EYS: variants seen among roughly 807,000 people sequenced by gnomAD.
EYS encodes the protein protein eyes shut homolog.
In EYS, 250 loss-of-function variants were observed where a neutral mutation model predicts 282.1. That is an observed-to-expected ratio of 0.89 (90% CI 0.80 to 0.98). The LOEUF is 0.98. Ranked by LOEUF, EYS falls within the 50% of genes least tolerant of loss-of-function variation. The pLI is 0.00. For missense variants in EYS, 4,016 were observed against 3,709.0 expected (o/e 1.08, Z -2.15); for synonymous variants, 1,355 against 1,282.9 (o/e 1.06, Z -1.20).
At position 64,357,578 on chromosome 6, in the gene EYS, G is replaced by A. The variant is rs1408073334; in HGVS notation, c.6078+31112C>T. Among the ~76,000 whole-genome samples the A allele has an allele frequency of 2.6e-5, 4 of 151,582 alleles. No homozygotes were observed. The East Asian group carries it at 5.9e-4, about 22-fold the overall frequency. On this transcript the variant is annotated intron_variant, in intron 29 of 42. Transcript: ENST00000503581. ...ATTACATAAAGGGATGTGTGTGAAC[G>A]AAATTTTGAAAGCCTGTTGGGAAAG...
At chr6:65,253,797 G>T (rs1767389038) in intron 12 of EYS, among the ~76,000 whole-genome samples, 2 of 151,740 alleles carry the variant, frequency 1.3e-5, no homozygotes, top group Non-Finnish European at 2.9e-5. Flanking sequence ...GGATATAAGA[G>T]TACACATTGT....
intron 13 of EYS, among the ~76,000 whole-genome samples, chr6:65,040,639 C>T (rs1245064159): frequency 1.3e-5 from 2 of 151,610 alleles, no homozygotes; most frequent in Admixed American, 6.6e-5. Flanking sequence ...CTCTTTTATT[C>T]CTCCAGTCCT....
chr6:63,839,660 A>G (rs1009578706), intron 36 of EYS, among the ~76,000 whole-genome samples: 7 of 152,058 alleles, frequency 4.6e-5, no homozygotes, highest in Non-Finnish European at 1.0e-4. Context: ...TGGTTATTGT[A>G]AGTAGTGCTC....
intron 8 of EYS, among the ~76,000 whole-genome samples, chr6:65,380,069 T>C (rs899194810): frequency 6.6e-6 from 1 of 152,012 alleles, no homozygotes; most frequent in Non-Finnish European, 1.5e-5. Flanking sequence ...GATTCAATGC[T>C]ATTCCCATCA....
intron 2 of EYS, among the ~76,000 whole-genome samples, chr6:65,581,966 G>C (rs1054679697): frequency 6.6e-6 from 1 of 151,580 alleles, no homozygotes; most frequent in African/African-American, 2.4e-5. Flanking sequence ...GAGGCCAGCA[G>C]ATCATGAGGT....
intron 31 of EYS, among the ~76,000 whole-genome samples, chr6:64,145,350 T>A (rs1774476279): frequency 6.6e-6 from 1 of 152,172 alleles, no homozygotes; most frequent in Admixed American, 6.6e-5. Context: ...TTTTTTAAAA[T>A]GCAAGCAACA....
Position 64,590,272 on chromosome 6 carries a change from A to G in EYS, c.5595T>C (p.Thr1865=). The change falls in exon 26 of 43, where the codon ACT becomes ACC. Residue 1865 remains threonine (T), a synonymous_variant. Transcript: ENST00000503581. ...CCAGAATGGATTCCAGTGAAGACAA[A>G]GTAAGAGATCTAGTGAAGGGAAGAT... ...SRHLPFTRSL[T]LSSLESILAP... 6.4e-7 allele frequency: 1 copy of G among 1,550,946 alleles called. No homozygotes were observed. Among genetic ancestry groups the G allele is most frequent in the Non-Finnish European group, 8.7e-7 (1 of 1,146,502 alleles).
chr6:64,900,085 C>T (rs1055475413), intron 18 of EYS, among the ~76,000 whole-genome samples: 1 of 152,146 alleles, frequency 6.6e-6, no homozygotes, highest in Admixed American at 6.5e-5. Flanking sequence ...CACACATCTA[C>T]AACCATCTGA....
intron 29 of EYS, among the ~76,000 whole-genome samples, chr6:64,343,220 C>G (rs1449869590): frequency 2.6e-5 from 4 of 152,026 alleles, no homozygotes; most frequent in Admixed American, 2.6e-4. Context: ...TAGACATCTA[C>G]AGAACTCTCC....
At chr6:65,471,157 C>T (rs1031403822) in intron 5 of EYS, among the ~76,000 whole-genome samples, 6 of 144,250 alleles carry the variant, frequency 4.2e-5, no homozygotes, top group Non-Finnish European at 7.5e-5. Context: ...CAAACAAAAA[C>T]GAAAACAAAA....
intron 31 of EYS, among the ~76,000 whole-genome samples, chr6:64,217,771 C>T (rs1443018464): frequency 6.6e-6 from 1 of 152,028 alleles, no homozygotes; most frequent in Non-Finnish European, 1.5e-5. Context: ...GTTCATTGGC[C>T]TAGCTACCAT....
At chr6:65,543,091 T>A (rs977933279) in intron 2 of EYS, among the ~76,000 whole-genome samples, 1 of 152,124 alleles carries the variant, frequency 6.6e-6, no homozygotes, top group African/African-American at 2.4e-5. Context: ...TGATCTCGGC[T>A]CACTGCAACA....
intron 22 of EYS, among the ~76,000 whole-genome samples, chr6:64,791,918 T>C (rs919118384): frequency 1.3e-5 from 2 of 151,942 alleles, no homozygotes; most frequent in Admixed American, 1.3e-4. Context: ...ATACTTTTCA[T>C]AGAACTACAA....
chr6:65,048,646 A>G (rs1408878561), intron 13 of EYS, among the ~76,000 whole-genome samples: 1 of 151,902 alleles, frequency 6.6e-6, no homozygotes, highest in Non-Finnish European at 1.5e-5. Flanking sequence ...TATTTAAAGG[A>G]AACCTTGATT....
At chr6:64,181,245 T>A (rs1214471302) in intron 31 of EYS, among the ~76,000 whole-genome samples, 7 of 152,094 alleles carry the variant, frequency 4.6e-5, no homozygotes, top group Non-Finnish European at 2.9e-5. Context: ...CATTAAAGAT[T>A]TTAGATTAAA....
At chr6:65,092,723 G>C (rs900519939) in intron 12 of EYS, among the ~76,000 whole-genome samples, 2 of 152,080 alleles carry the variant, frequency 1.3e-5, no homozygotes, top group Non-Finnish European at 2.9e-5. Flanking sequence ...CTTTCTGACT[G>C]AATTGACTAC....
At chr6:64,716,885 T>C (rs888638643) in intron 22 of EYS, among the ~76,000 whole-genome samples, 7 of 152,174 alleles carry the variant, frequency 4.6e-5, no homozygotes, top group African/African-American at 1.7e-4. Context: ...TTGCCACATA[T>C]TATACAAAGT....
chr6:65,034,608 C>T (rs1397096431), intron 13 of EYS, among the ~76,000 whole-genome samples: 2 of 152,122 alleles, frequency 1.3e-5, no homozygotes, highest in Admixed American at 1.3e-4. Flanking sequence ...TGTGATATCC[C>T]TGCTCCACCT....
intron 13 of EYS, among the ~76,000 whole-genome samples, chr6:65,026,848 C>T (rs528097398): frequency 4.0e-5 from 6 of 151,066 alleles, no homozygotes; most frequent in African/African-American, 1.2e-4. Flanking sequence ...ATCCGGGAGG[C>T]AGAGGTTGCA....
Sources: gnomAD v4.1 joint callset for allele counts (sites outside exome capture counted in the v4.1 genomes callset) on GRCh38, gnomAD v4.1.1 for gene constraint, MANE v1.5 for transcripts, NCBI Gene and HGNC (gene_info 2026-07-23, HGNC 2026-07-21) for gene names.